The following ZNF610 variants were observed in gnomAD, a reference collection of about 807,000 sequenced individuals.
ZNF610 encodes zinc finger protein 610, also known as zink finger protein.
In ZNF610, 14 loss-of-function variants were observed where a neutral mutation model predicts 14.1. The ratio of observed to expected loss-of-function variants is 0.99; its 90% CI spans 0.65 to 1.55. ZNF610 has a LOEUF of 1.55. Among genes scored for constraint, ZNF610 ranks in the 40% most tolerant of loss-of-function variants. The pLI is 0.00. For missense variants in ZNF610, 530 were observed against 558.0 expected (o/e 0.95, Z 0.51); for synonymous variants, 185 against 187.6 (o/e 0.99, Z 0.11).
chr19:52,352,637 T>C (rs1200168932), intron 3 of ZNF610, among the ~76,000 whole-genome samples: 1 of 152,194 alleles, frequency 6.6e-6, no homozygotes, highest in Non-Finnish European at 1.5e-5. Flanking sequence ...CAGATCCTGC[T>C]TTTTCCTGCC....
At chr19:52,347,475 GA>G (rs1275058433) in intron 1 of ZNF610, among the ~76,000 whole-genome samples, 1 of 152,200 alleles carries the variant, frequency 6.6e-6, no homozygotes, top group Admixed American at 6.6e-5. Context: ...TTGTTATTGA[GA>G]AAAAAATATT....
rs759302532 is a variant in ZNF610, at chr19:52,366,504, G to A, written c.1126G>A (p.Glu376Lys). 2.4e-5 allele frequency: 38 copies of A among 1,614,014 alleles called. No individual in the cohort carries two copies. Among genetic ancestry groups the A allele is most frequent in the Middle Eastern group, 1.6e-4 (1 of 6,084 alleles). The change falls in exon 6 of 6, where the codon GAA (glutamate) becomes AAA (lysine). Residue 376 changes from glutamate (E) to lysine (K), a missense_variant. Coordinates refer to ENST00000403906, the MANE Select transcript of ZNF610 (RefSeq NM_001161425.2). ...HSTEKPYKCNECGRAFHKRPG... is the reference protein window; with the variant it reads ...HSTEKPYKCNKCGRAFHKRPG... Reference sequence around the variant, plus strand: ...TACAGAGAAGCCCTACAAATGTAACGAATGTGGAAGAGCATTTCACAAGCG... The same window carrying A: ...TACAGAGAAGCCCTACAAATGTAACAAATGTGGAAGAGCATTTCACAAGCG...
intron 1 of ZNF610, among the ~76,000 whole-genome samples, chr19:52,337,309 G>C (rs1489991639): frequency 3.3e-5 from 5 of 151,820 alleles, no homozygotes; most frequent in East Asian, 1.9e-4. Flanking sequence ...CCTGGGATCC[G>C]GGGGGGCCAG....
At chr19:52,338,930 C>CCGGCGCCGG (rs1568644308) in intron 1 of ZNF610, among the ~76,000 whole-genome samples, 1 of 133,448 alleles carries the variant, frequency 7.5e-6, no homozygotes, top group African/African-American at 3.0e-5. Context: ...CCCGCGCCGG[C>CCGGCGCCGG]CCGGTCTCTG....
intron 1 of ZNF610, among the ~76,000 whole-genome samples, chr19:52,339,934 C>T (rs1168803278): frequency 1.3e-5 from 2 of 152,158 alleles, no homozygotes; most frequent in African/African-American, 4.8e-5. Flanking sequence ...GCTGGGATTA[C>T]AGGCGTGAGC....
upstream of ZNF610, among the ~76,000 whole-genome samples, chr19:52,335,076 G>GCT (rs1984315215): frequency 2.0e-5 from 3 of 151,148 alleles, no homozygotes; most frequent in African/African-American, 7.3e-5. Context: ...GTGGGGGGGG[G>GCT]GTGTGGATCA....
chr19:52,330,333 A>G, the ZNF610 span: 1 of 151,712 alleles, frequency 6.6e-6, no homozygotes, highest in Non-Finnish European at 1.5e-5. Context: ...TACTCACCAG[A>G]CTCTTTTCTG....
Position 52,354,253 on chromosome 19 carries a change from A to C in ZNF610, c.193A>C (p.Ile65Leu). The change falls in exon 5 of 6, where the codon ATC (isoleucine) becomes CTC (leucine). Residue 65 changes from isoleucine (I) to leucine (L), a missense_variant and splice_region_variant. Coordinates refer to ENST00000403906, the MANE Select transcript of ZNF610 (RefSeq NM_001161425.2). Reference protein sequence around the residue: ...ENYRNLVFLGICLPDLSIISM... With the variant: ...ENYRNLVFLGLCLPDLSIISM... ...TGTTTCTTTCTTTTTATTAACAGGA[A>C]TCTGTCTTCCTGACCTAAGTATTAT... 6.2e-7 allele frequency: 1 copy of C among 1,613,552 alleles called. No individual in the cohort carries two copies.
intron 3 of ZNF610, among the ~76,000 whole-genome samples, chr19:52,349,635 C>G (rs1405275216): frequency 6.6e-6 from 1 of 151,062 alleles, no homozygotes; most frequent in African/African-American, 2.4e-5. Flanking sequence ...TGCAGTGGCA[C>G]GATCTCGACT....
At chr19:52,336,008 G>A (rs1309039702), upstream of ZNF610, among the ~76,000 whole-genome samples, 1 of 152,108 alleles carries the variant, frequency 6.6e-6, no homozygotes, top group Non-Finnish European at 1.5e-5. Flanking sequence ...TGGGACTACA[G>A]GTGCCTGCCA....
At chr19:52,357,110 A>G in intron 5 of ZNF610, among the ~76,000 whole-genome samples, 1 of 152,172 alleles carries the variant, frequency 6.6e-6, no homozygotes, top group Admixed American at 6.5e-5. Context: ...ACTGGCTTCA[A>G]AAGTTGGGGT....
intron 5 of ZNF610, among the ~76,000 whole-genome samples, chr19:52,362,113 T>G (rs905018306): frequency 6.6e-6 from 1 of 152,334 alleles, no homozygotes; most frequent in East Asian, 1.9e-4. Flanking sequence ...GCCAGCACTA[T>G]GGCTCACGCC....
intron 3 of ZNF610, among the ~76,000 whole-genome samples, chr19:52,349,806 T>A (rs1437479979): frequency 6.6e-6 from 1 of 152,126 alleles, no homozygotes; most frequent in African/African-American, 2.4e-5. Context: ...CCTGACCTCG[T>A]GATCCACCTG....
At chr19:52,355,930 A>G (rs978144412) in intron 5 of ZNF610, among the ~76,000 whole-genome samples, 1 of 152,224 alleles carries the variant, frequency 6.6e-6, no homozygotes, top group Non-Finnish European at 1.5e-5. Flanking sequence ...GAGCGGCTTC[A>G]TCACGTAGGC....
chr19:52,365,456 T>G (rs545172310), intron 5 of ZNF610, among the ~76,000 whole-genome samples: 219 of 152,306 alleles, frequency 1.4e-3, no homozygotes, highest in Middle Eastern at 6.8e-3. Context: ...CAGTTTCTGT[T>G]CTATTTTTCT....
At chr19:52,359,716 G>T (rs1243483129) in intron 5 of ZNF610, among the ~76,000 whole-genome samples, 1 of 152,158 alleles carries the variant, frequency 6.6e-6, no homozygotes, top group Non-Finnish European at 1.5e-5. Context: ...GACAAGAGCT[G>T]GGTTTCCTAC....
intron 1 of ZNF610, chr19:52,347,059 A>G (rs1464929719): frequency 6.6e-6 from 1 of 152,164 alleles, no homozygotes; most frequent in Non-Finnish European, 1.5e-5. Context: ...CACCACAGAC[A>G]TATTTCTGAA....
chr19:52,343,526 T>C (rs1252747926), intron 1 of ZNF610, among the ~76,000 whole-genome samples: 1 of 151,696 alleles, frequency 6.6e-6, no homozygotes, highest in Admixed American at 6.6e-5. Context: ...GATATCATGC[T>C]ATTGCACTTC....
chr19:52,331,047 A>T, the ZNF610 span, among the ~76,000 whole-genome samples: 1 of 152,204 alleles, frequency 6.6e-6, no homozygotes, highest in Non-Finnish European at 1.5e-5. Context: ...CATAACTCCC[A>T]ACTCCACAAA....
Sources: allele counts gnomAD v4.1 joint callset (sites outside exome capture counted in the v4.1 genomes callset), GRCh38; gene constraint gnomAD v4.1.1; transcripts MANE v1.5; gene names NCBI Gene and HGNC (gene_info 2026-07-23, HGNC 2026-07-21).